Variants in SP9 observed in about 807,000 individuals in gnomAD.
SP9 encodes transcription factor Sp9.
SP9 carries 5 observed loss-of-function variants against 23.0 expected under a neutral mutation model. The ratio of observed to expected loss-of-function variants is 0.22; its 90% CI spans 0.11 to 0.46. The LOEUF (loss-of-function observed/expected upper bound fraction) is 0.46. SP9 is among the 20% of genes least tolerant of loss of function. The probability of loss-of-function intolerance (pLI) is 0.99; values close to 1 mark genes in which losing one functional copy is unlikely to be tolerated. For synonymous variants in SP9, 360 were observed against 356.5 expected (o/e 1.01, Z -0.11); for missense variants, 542 against 724.0 (o/e 0.75, Z 2.88).
Position 174,337,010 on chromosome 2 carries a change from G to T in SP9, c.925G>T (p.Asp309Tyr), listed in dbSNP as rs1055606139. ...CCGCTACTCGGGCCGCGCCACCTGC[G>T]ACTGCCCCAACTGCCAGGAGGCGGA... ...ARRYSGRATC[D>Y]CPNCQEAERL... is the part of the protein sequence containing the mutation. The change falls in exon 2 of 2, where the codon GAC (aspartate) becomes TAC (tyrosine). Residue 309 changes from aspartate to tyrosine, a missense_variant. Transcript: ENST00000394967. The T allele has an allele frequency of 8.1e-6, 12 of 1,485,528 alleles. No individual in the cohort carries two copies. Among genetic ancestry groups the T allele is most frequent in the Non-Finnish European group, 1.1e-5 (12 of 1,124,720 alleles). The allele number at this position is 1,485,528 out of a possible 1,614,324, so 92.0% of individuals were successfully genotyped here. A position where few individuals can be genotyped will look rare whatever the true frequency, so the allele number is the denominator to read the frequency against.
rs1393387827 is a variant in SP9, at chr2:174,337,368, C to G, written c.1283C>G (p.Thr428Arg). The stretch of plus-strand genomic sequence containing the variant: ...GGCAAAAAGGGCAGCGACAGTGACA[C>G]GGACGCCAGCAACCTGGAGACGCCC... ...GGGKKGSDSD[T>R]DASNLETPRS... The change falls in exon 2 of 2, where the codon ACG (threonine) becomes AGG (arginine). Residue 428 changes from threonine (T) to arginine (R), a missense_variant. This residue lies in a region of SP9 where 35 missense variants were observed against 67.2 expected (regional missense o/e 0.52). Coordinates refer to ENST00000394967, the MANE Select transcript of SP9 (RefSeq NM_001145250.2). The G allele has an allele frequency of 6.5e-7, 1 of 1,549,860 alleles. No homozygotes were observed.
chr2:174,337,325 CACAACGGGG>C lies in SP9; in HGVS notation c.1241_1249del (p.His414_Gly417delinsArg). 1 of 1,551,622 alleles carries C rather than the reference CACAACGGGG, an allele frequency of 6.4e-7. No individual in the cohort carries two copies. Among genetic ancestry groups the C allele is most frequent in the Non-Finnish European group, 8.7e-7 (1 of 1,147,254 alleles). ...CCACCTGAGCAAACACATTAAGACGCACAACGGGGGCGGCGGGGGCAAAAAGGGCAGCGA... is the reference window on the plus strand; with the variant it reads ...CCACCTGAGCAAACACATTAAGACGCGCGGCGGGGGCAAAAAGGGCAGCGA... On this transcript the variant is annotated inframe_deletion, in exon 2 of 2. Transcript: ENST00000394967.
At position 174,338,455 on chromosome 2, in the gene SP9, G is replaced by A. The variant is rs1297736607; in HGVS notation, c.*915G>A. 2 of 152,054 alleles carry A rather than the reference G, an allele frequency of 1.3e-5. No individual in the cohort carries two copies. Among genetic ancestry groups the A allele is most frequent in the African/African-American group, 4.8e-5 (2 of 41,398 alleles). 9.4% of individuals were successfully genotyped at this position (152,054 alleles called of 1,614,324 possible). On this transcript the variant is annotated 3_prime_UTR_variant, in exon 2 of 2. Coordinates refer to ENST00000394967, the MANE Select transcript of SP9 (RefSeq NM_001145250.2). Reference sequence around the variant, plus strand: ...CGTTTATCTGTATCAAGAAAATCTTGACATCATATTTTCATTTTGGTATTA... The same window carrying A: ...CGTTTATCTGTATCAAGAAAATCTTAACATCATATTTTCATTTTGGTATTA...
chr2:174,336,330 C>T lies in SP9; in HGVS notation c.245C>T (p.Ser82Leu), dbSNP rs773706927. Residue 82 changes from serine (S) to leucine (L), a missense_variant, in exon 2 of 2, where the codon TCG (serine) becomes TTG (leucine). Ser to Leu is a moderately radical substitution (Grantham distance 145). Transcript: ENST00000394967. Reference protein sequence around the residue: ...GRGSGGLAGGSGAANSAFCLA... With the variant: ...GRGSGGLAGGLGAANSAFCLA... ...GGCTCGGGCGGCCTGGCGGGCGGCT[C>T]GGGCGCCGCCAACAGCGCCTTCTGC... The T allele has an allele frequency of 6.0e-6, 9 of 1,497,470 alleles. No individual in the cohort carries two copies. Among genetic ancestry groups the T allele is most frequent in the Non-Finnish European group, 7.1e-6 (8 of 1,130,616 alleles). 92.8% of individuals were successfully genotyped at this position (1,497,470 alleles called of 1,614,324 possible).
rs1342572355 is a variant in SP9 at position 174,336,370 on chromosome 2, G to A, written c.285G>A (p.Ser95=). The change falls in exon 2 of 2, where the codon TCG becomes TCA. Residue 95 remains serine (S), a synonymous_variant. Coordinates refer to ENST00000394967, the MANE Select transcript of SP9 (RefSeq NM_001145250.2). ...GCGCCTTCTGCCTGGCCTCCACGTC[G>A]CCCACGTCGTCCGCCTTCAGCAGCG... ...ANSAFCLAST[S]PTSSAFSSDY... is the part of the protein sequence containing the mutation. The A allele has an allele frequency of 6.0e-6, 9 of 1,494,394 alleles. No individual in the cohort carries two copies. The highest frequency in any genetic ancestry group is 8.0e-6 in the Non-Finnish European group (9 of 1,130,174). The allele number at this position is 1,494,394 out of a possible 1,614,324, so 92.6% of individuals were successfully genotyped here.
chr2:174,335,967 G>T (rs904760196), intron 1 of SP9, 140 bp from the exon 2 acceptor site: 65 of 757,002 alleles, frequency 8.6e-5, no homozygotes, highest in Non-Finnish European at 1.2e-4. Context: ...GGCGCGTGGG[G>T]AGGAGGCGCG....
In SP9 at chr2:174,337,707, C is replaced by A. The variant is rs1174469766; in HGVS notation, c.*167C>A. On this transcript the variant is annotated 3_prime_UTR_variant, in exon 2 of 2. Transcript: ENST00000394967. Reference sequence around the variant, plus strand: ...CGCTCAGGGCTCCCGGGCTGCGGTTCGCCCGCTGTGCGAGGAGCTCCCCTC... The same window carrying A: ...CGCTCAGGGCTCCCGGGCTGCGGTTAGCCCGCTGTGCGAGGAGCTCCCCTC... 8 of 889,634 alleles carry A rather than the reference C, an allele frequency of 9.0e-6. No homozygotes were observed. In the Admixed American group the frequency reaches 2.8e-4, roughly 31 times the overall value. 55.1% of individuals were successfully genotyped at this position (889,634 alleles called of 1,614,324 possible). A position where few individuals can be genotyped will look rare whatever the true frequency, so the allele number is the denominator to read the frequency against.
chr2:174,335,161 T>G, intron 1 of SP9, 48 bp downstream of exon 1: 1 of 1,549,716 alleles, frequency 6.5e-7, no homozygotes, highest in Non-Finnish European at 8.7e-7. Context: ...ACCGGAGTAA[T>G]TTTTCGTTAT....
Position 174,337,605 on chromosome 2 carries a change from A to G in SP9, c.*65A>G. 9.2e-7 allele frequency: 1 copy of G among 1,090,062 alleles called. No homozygotes were observed. The highest frequency in any genetic ancestry group is 1.1e-6 in the Non-Finnish European group (1 of 896,896). 67.5% of individuals were successfully genotyped at this position (1,090,062 alleles called of 1,614,324 possible). A position where few individuals can be genotyped will look rare whatever the true frequency, so the allele number is the denominator to read the frequency against. On this transcript the variant is annotated 3_prime_UTR_variant, in exon 2 of 2. Transcript: ENST00000394967. ...CACCGAGAACGAACGAGAGGTTCGGAGGGCGAGCGAGCGGGAGGCGGGAGG... is the reference window on the plus strand; with the variant it reads ...CACCGAGAACGAACGAGAGGTTCGGGGGGCGAGCGAGCGGGAGGCGGGAGG...
intron 1 of SP9, chr2:174,335,453 T>C (rs1383235022): frequency 8.9e-6 from 3 of 338,568 alleles, no homozygotes; most frequent in Non-Finnish European, 1.7e-5. Context: ...CAGAAAACAG[T>C]CTTAATCGTT....
In SP9 at chr2:174,336,481, C is replaced by T. The variant is rs1206780449; in HGVS notation, c.396C>T (p.Ala132=). Residue 132 remains alanine (A), a synonymous_variant, in exon 2 of 2, where the codon GCC becomes GCT. Transcript: ENST00000394967. Reference sequence around the variant, plus strand: ...CGCAGGAGGCGGGTGGCCAGTCGGCCTTCATTTCCAAGGTGCACACGACGG... The same window carrying T: ...CGCAGGAGGCGGGTGGCCAGTCGGCTTTCATTTCCAAGGTGCACACGACGG... ...VSPQEAGGQS[A]FISKVHTTAA... 1 of 1,481,704 alleles carries T rather than the reference C, an allele frequency of 6.7e-7. No individual in the cohort carries two copies. Among genetic ancestry groups the T allele is most frequent in the African/African-American group, 1.5e-5 (1 of 67,754 alleles). 91.8% of individuals were successfully genotyped at this position (1,481,704 alleles called of 1,614,324 possible).
At position 174,336,116 on chromosome 2, in the gene SP9, C is replaced by G; in HGVS notation, c.31C>G (p.Arg11Gly). The G allele has an allele frequency of 6.5e-7, 1 of 1,550,334 alleles. No homozygotes were observed. Residue 11 changes from arginine to glycine, a missense_variant, in exon 2 of 2, where the codon CGC (arginine) becomes GGC (glycine). Physicochemically the swap from Arg to Gly is moderately radical, Grantham distance 125. Coordinates refer to ENST00000394967, the MANE Select transcript of SP9 (RefSeq NM_001145250.2). ...ATCCCACCCACTCTAGGAAGAGCCG[C>G]GCTTCGGAACGACCCCGTTGGCCAT... MATSILGEEP[R>G]FGTTPLAMLA...
Position 174,337,192 on chromosome 2 carries a change from C to T in SP9, c.1107C>T (p.Cys369=). 6.2e-7 allele frequency: 1 copy of T among 1,604,726 alleles called. No individual in the cohort carries two copies. The highest frequency in any genetic ancestry group is 2.3e-5 in the East Asian group (1 of 44,348). The stretch of plus-strand genomic sequence containing the variant: ...CCTTCGTGTGCAACTGGCTCTTCTG[C>T]GGCAAGCGCTTCACGCGCTCGGACG... ...ERPFVCNWLF[C]GKRFTRSDEL... The change falls in exon 2 of 2, where the codon TGC becomes TGT. Residue 369 remains cysteine, a synonymous_variant. Coordinates refer to ENST00000394967, the MANE Select transcript of SP9 (RefSeq NM_001145250.2).
At position 174,337,714 on chromosome 2, in the gene SP9, T is replaced by C. The variant is rs949885837; in HGVS notation, c.*174T>C. ...GGCTCCCGGGCTGCGGTTCGCCCGCTGTGCGAGGAGCTCCCCTCTGCCTTC... is the reference window on the plus strand; with the variant it reads ...GGCTCCCGGGCTGCGGTTCGCCCGCCGTGCGAGGAGCTCCCCTCTGCCTTC... On this transcript the variant is annotated 3_prime_UTR_variant, in exon 2 of 2. Transcript: ENST00000394967. 85 of 818,398 alleles carry C rather than the reference T, an allele frequency of 1.0e-4. No homozygotes were observed. In the African/African-American group the frequency reaches 1.5e-3, roughly 14 times the overall value. 50.7% of individuals were successfully genotyped at this position (818,398 alleles called of 1,614,324 possible).
Position 174,336,414 on chromosome 2 carries a change from C to T in SP9, c.329C>T (p.Ser110Phe), listed in dbSNP as rs751124457. 3 of 1,476,616 alleles carry T rather than the reference C, an allele frequency of 2.0e-6. No homozygotes were observed. The highest frequency in any genetic ancestry group is 1.3e-5 in the South Asian group (1 of 76,582). 91.5% of individuals were successfully genotyped at this position (1,476,616 alleles called of 1,614,324 possible). The change falls in exon 2 of 2, where the codon TCC becomes TTC. Residue 110 changes from serine (S) to phenylalanine (F), a missense_variant. By Grantham distance (155) the Ser-to-Phe change is radical (BLOSUM62 -2). This residue lies in a region of SP9 where 201 missense variants were observed against 226.3 expected (regional missense o/e 0.89). Coordinates refer to ENST00000394967, the MANE Select transcript of SP9 (RefSeq NM_001145250.2). ...AFSSDYGGLF[S>F]NSAAAAAAAA... ...AGCAGCGACTACGGCGGCCTCTTCT[C>T]CAACTCGGCGGCTGCCGCGGCGGCA...
At position 174,336,301 on chromosome 2, in the gene SP9, C is replaced by T; in HGVS notation, c.216C>T (p.Gly72=). Residue 72 remains glycine (G), a synonymous_variant, in exon 2 of 2, where the codon GGC becomes GGT. Coordinates refer to ENST00000394967, the MANE Select transcript of SP9 (RefSeq NM_001145250.2). ...SLSGFAVATG[G]RGSGGLAGGS... ...CGGGCTTCGCGGTGGCCACCGGGGGCCGTGGCTCGGGCGGCCTGGCGGGCG... is the reference window on the plus strand; with the variant it reads ...CGGGCTTCGCGGTGGCCACCGGGGGTCGTGGCTCGGGCGGCCTGGCGGGCG... 1 of 1,510,832 alleles carries T rather than the reference C, an allele frequency of 6.6e-7. No homozygotes were observed. Among genetic ancestry groups the T allele is most frequent in the South Asian group, 1.2e-5 (1 of 80,764 alleles). The allele number at this position is 1,510,832 out of a possible 1,614,324, so 93.6% of individuals were successfully genotyped here.
chr2:174,335,732 G>A, intron 1 of SP9: 1 of 237,696 alleles, frequency 4.2e-6, no homozygotes, highest in Non-Finnish European at 8.1e-6. Flanking sequence ...GTTGTCTCTG[G>A]TCTCTGTGTT....
intron 1 of SP9, 109 bp from the exon 2 acceptor site, chr2:174,335,998 C>G (rs1378213192): frequency 1.9e-6 from 2 of 1,079,058 alleles, no homozygotes. Flanking sequence ...CCAGGACCCC[C>G]CGGGAGCAGC....
chr2:174,337,351 G>C lies in SP9; in HGVS notation c.1266G>C (p.Lys422Asn). 4 of 1,550,402 alleles carry C rather than the reference G, an allele frequency of 2.6e-6. No homozygotes were observed. Among genetic ancestry groups the C allele is most frequent in the Non-Finnish European group, 3.5e-6 (4 of 1,146,730 alleles). Residue 422 changes from lysine to asparagine, a missense_variant, in exon 2 of 2, where the codon AAG becomes AAC. Physicochemically the swap from Lys to Asn is moderately conservative, Grantham distance 94. This residue lies in a region of SP9 where 35 missense variants were observed against 67.2 expected (regional missense o/e 0.52). Transcript: ENST00000394967. ...ACAACGGGGGCGGCGGGGGCAAAAA[G>C]GGCAGCGACAGTGACACGGACGCCA... ...KTHNGGGGGK[K>N]GSDSDTDASN... is the part of the protein sequence containing the mutation.
Sources: allele counts gnomAD v4.1 joint callset, GRCh38; gene constraint gnomAD v4.1.1; regional missense constraint gnomAD v4.1.1; transcripts MANE v1.5; gene names NCBI Gene and HGNC (gene_info 2026-07-23, HGNC 2026-07-21).